Variants in TP53BP1 observed in about 807,000 individuals in gnomAD.
The protein encoded by TP53BP1 is TP53-binding protein 1.
TP53BP1 carries 61 observed loss-of-function variants against 200.8 expected under a neutral mutation model. The observed-to-expected ratio is 0.30, with a 90% CI of 0.25 to 0.38. TP53BP1 has a LOEUF of 0.38. Ranked by LOEUF, TP53BP1 falls within the 10% of genes least tolerant of loss-of-function variation. TP53BP1 has a pLI of 1.00. For synonymous variants in TP53BP1, 822 were observed against 844.3 expected, an observed-to-expected ratio of 0.97 and a Z score of 0.46; for missense variants, 2,144 against 2,371.9, an observed-to-expected ratio of 0.90 and a Z score of 2.00.
At chr15:43,474,396 G>A (rs1279579265) in intron 10 of TP53BP1, among the ~76,000 whole-genome samples, 15 of 150,034 alleles carry the variant, frequency 1.0e-4, no homozygotes, top group Non-Finnish European at 2.1e-4. Flanking sequence ...AGGAGGCGCC[G>A]AGAGCGAGCG....
chr15:43,456,542 A>G lies in TP53BP1; in HGVS notation c.2066T>C (p.Met689Thr), dbSNP rs764030963. The G allele has an allele frequency of 6.8e-6, 11 of 1,611,932 alleles. No homozygotes were observed. Among genetic ancestry groups the G allele is most frequent in the African/African-American group, 5.4e-5 (4 of 74,756 alleles). Residue 689 changes from methionine (M) to threonine (T), a missense_variant, in exon 12 of 28, where the codon ATG becomes ACG. By Grantham distance (81) the Met-to-Thr change is moderately conservative. This residue lies in a region of TP53BP1 where 1,700 missense variants were observed against 1,710.3 expected (regional missense o/e 0.99). Transcript: ENST00000382044. ...AGAAAGGTGCAACGGAACACTCTCCATATTTTCTTCTTTGAGTTCCTCTCC... is the reference window on the plus strand; with the variant it reads ...AGAAAGGTGCAACGGAACACTCTCCGTATTTTCTTCTTTGAGTTCCTCTCC... The part of the protein sequence containing the change: ...SQGEELKEEN[M>T]ESVPLHLSLT...
intron 7 of TP53BP1, among the ~76,000 whole-genome samples, chr15:43,479,115 C>A (rs1595610244): frequency 6.6e-6 from 1 of 152,020 alleles, no homozygotes; most frequent in East Asian, 1.9e-4. Flanking sequence ...GATTAGTAGT[C>A]AAGTGTGGCC....
Position 43,470,084 on chromosome 15 carries a change from A to G in TP53BP1, c.1181-18T>C. 1 of 1,592,452 alleles carries G rather than the reference A, an allele frequency of 6.3e-7. No homozygotes were observed. The highest frequency in any genetic ancestry group is 8.6e-7 in the Non-Finnish European group (1 of 1,162,874). On this transcript the variant is annotated intron_variant, in intron 10 of 27. Transcript: ENST00000382044. ...TGGCTTATCTGGTTTAAAACAGGAG[A>G]AACAAATTGAGAAATATCACTCATC...
At chr15:43,467,915 C>G (rs972402508) in intron 11 of TP53BP1, among the ~76,000 whole-genome samples, 2 of 151,998 alleles carry the variant, frequency 1.3e-5, no homozygotes, top group African/African-American at 4.8e-5. Context: ...TTCCAAATAG[C>G]TGGGACTACA....
In TP53BP1 at chr15:43,404,997, CA is replaced by C; in HGVS notation, c.*2385del. ...TGGCTTCCCAGAGGTCTGTCATTCC[CA>C]TTCAGAAAATCACTTCATTGTCCTT... On this transcript the variant is annotated 3_prime_UTR_variant, in exon 28 of 28. Transcript: ENST00000382044. 1 of 583,516 alleles carries C rather than the reference CA, an allele frequency of 1.7e-6. No individual in the cohort carries two copies. The highest frequency in any genetic ancestry group is 3.0e-6 in the Non-Finnish European group (1 of 334,606). The allele number at this position is 583,516 out of a possible 1,614,324, so 36.1% of individuals were successfully genotyped here.
At chr15:43,463,754 A>T (rs1441145326) in intron 11 of TP53BP1, among the ~76,000 whole-genome samples, 3 of 152,160 alleles carry the variant, frequency 2.0e-5, no homozygotes, top group Admixed American at 6.6e-5. Context: ...CAACACCCAT[A>T]ATCTCACCCT....
At chr15:43,494,805 T>C (rs1158387627), upstream of TP53BP1, among the ~76,000 whole-genome samples, 1 of 152,230 alleles carries the variant, frequency 6.6e-6, no homozygotes, top group Non-Finnish European at 1.5e-5. Context: ...TACCATTTTT[T>C]TGCTTTTCTT....
chr15:43,495,664 A>C (rs2079178735), upstream of TP53BP1, among the ~76,000 whole-genome samples: 1 of 151,378 alleles, frequency 6.6e-6, no homozygotes, highest in Non-Finnish European at 1.5e-5. Flanking sequence ...AAAAATACAA[A>C]AAATTAGCCG....
chr15:43,492,109 A>G lies in TP53BP1; in HGVS notation c.193-14T>C. On this transcript the variant is annotated splice_polypyrimidine_tract_variant and intron_variant, in intron 2 of 27. Transcript: ENST00000382044. ...GGACACAACATCCTAGAAAATACAC[A>G]TACAAAATATCCCCATTATATATGA... 6.3e-7 allele frequency: 1 copy of G among 1,591,812 alleles called. No individual in the cohort carries two copies. Among genetic ancestry groups the G allele is most frequent in the Non-Finnish European group, 8.6e-7 (1 of 1,159,984 alleles).
At position 43,457,019 on chromosome 15, in the gene TP53BP1, G is replaced by C; in HGVS notation, c.1589C>G (p.Ser530Cys). The C allele has an allele frequency of 1.9e-6, 3 of 1,614,150 alleles. No homozygotes were observed. Among genetic ancestry groups the C allele is most frequent in the Non-Finnish European group, 2.5e-6 (3 of 1,180,034 alleles). The change falls in exon 12 of 28, where the codon TCC (serine) becomes TGC (cysteine). Residue 530 changes from serine (S) to cysteine (C), a missense_variant. Physicochemically the swap from Ser to Cys is moderately radical, Grantham distance 112. Transcript: ENST00000382044. The part of the protein sequence containing the change: ...LMLSTSEYSQ[S>C]PKMESLSSHR... The stretch of plus-strand genomic sequence containing the variant: ...AGAACTCAAGCTCTCCATCTTTGGG[G>C]ACTGACTATATTCACTTGTAGAAAG...
intron 4 of TP53BP1, among the ~76,000 whole-genome samples, chr15:43,486,118 C>T (rs1442791659): frequency 6.6e-6 from 1 of 151,334 alleles, no homozygotes; most frequent in Non-Finnish European, 1.5e-5. Context: ...GCCTCACGCC[C>T]GTAATCCCAG....
Position 43,405,185 on chromosome 15 carries a change from C to T in TP53BP1, c.*2198G>A, listed in dbSNP as rs748110725. ...GGAAAGCATGACACTTAATAAGGCT[C>T]TTTTTCTCTTTTGTAGTTTCGGGAT... is the stretch of plus-strand genomic sequence containing the variant. On this transcript the variant is annotated 3_prime_UTR_variant, in exon 28 of 28. Coordinates refer to ENST00000382044, the MANE Select transcript of TP53BP1 (RefSeq NM_001141980.3). The T allele has an allele frequency of 6.2e-6, 10 of 1,614,042 alleles. No individual in the cohort carries two copies. The highest frequency in any genetic ancestry group is 6.8e-6 in the Non-Finnish European group (8 of 1,179,956).
At chr15:43,451,812 G>A (rs2046177770) in intron 12 of TP53BP1, among the ~76,000 whole-genome samples, 1 of 152,184 alleles carries the variant, frequency 6.6e-6, no homozygotes, top group South Asian at 2.1e-4. Flanking sequence ...CAGTGTAAAA[G>A]TGAAGAACCA....
Position 43,408,826 on chromosome 15 carries a change from C to G in TP53BP1, c.5600+71G>C, listed in dbSNP as rs1393696268. On this transcript the variant is annotated intron_variant, in intron 26 of 27. Transcript: ENST00000382044. ...TTTCTAGAAAGCTTTACTCTCTCAC[C>G]TAGATTCTCTTCCCTCCAAAGCTTG... 19 of 1,488,366 alleles carry G rather than the reference C, an allele frequency of 1.3e-5. No homozygotes were observed. The Admixed American group carries it at 2.9e-4, about 23-fold the overall frequency. 92.2% of individuals were successfully genotyped at this position (1,488,366 alleles called of 1,614,324 possible). A position where few individuals can be genotyped will look rare whatever the true frequency, so the allele number is the denominator to read the frequency against.
chr15:43,438,301 G>T, intron 16 of TP53BP1, 23 bp downstream of exon 16: 1 of 1,607,286 alleles, frequency 6.2e-7, no homozygotes, highest in South Asian at 1.1e-5. Context: ...GAGCCCAAAA[G>T]ATTCTATAAA....
intron 1 of TP53BP1, among the ~76,000 whole-genome samples, chr15:43,501,822 A>G (rs765221886): frequency 2.6e-5 from 4 of 152,232 alleles, no homozygotes; most frequent in Non-Finnish European, 5.9e-5. Flanking sequence ...ATTGTATGCA[A>G]CACAACTTGT....
At position 43,474,828 on chromosome 15, in the gene TP53BP1, T is replaced by C. The variant is rs2046817425; in HGVS notation, c.1086-61A>G. The C allele has an allele frequency of 2.4e-6, 3 of 1,255,218 alleles. No individual in the cohort carries two copies. The East Asian group carries it at 7.0e-5, about 29-fold the overall frequency. The allele number at this position is 1,255,218 out of a possible 1,614,324, so 77.8% of individuals were successfully genotyped here. On this transcript the variant is annotated intron_variant, in intron 9 of 27. Transcript: ENST00000382044. The stretch of plus-strand genomic sequence containing the variant: ...ATAGCCACAGTTTTGCATTTCTGTA[T>C]TTGCTTTTACTTTTTAACAGGAAAA...
intron 1 of TP53BP1, among the ~76,000 whole-genome samples, chr15:43,506,592 G>A (rs2079238113): frequency 6.6e-6 from 1 of 152,200 alleles, no homozygotes; most frequent in Non-Finnish European, 1.5e-5. Context: ...CAGTTCAAAA[G>A]CATTGGTGTG....
In TP53BP1 at chr15:43,403,710, G is replaced by GA; in HGVS notation, c.*3672dup. ...GTTTCACTGCCTGAATGAAATCCTA[G>GA]ATCTCTGTCACAGTTTTTGTTCGCT... On this transcript the variant is annotated 3_prime_UTR_variant, in exon 28 of 28. Coordinates refer to ENST00000382044, the MANE Select transcript of TP53BP1 (RefSeq NM_001141980.3). 1 of 1,613,060 alleles carries GA rather than the reference G, an allele frequency of 6.2e-7. No individual in the cohort carries two copies. Among genetic ancestry groups the GA allele is most frequent in the Non-Finnish European group, 8.5e-7 (1 of 1,179,916 alleles).
Sources: gnomAD v4.1 joint callset for allele counts (sites outside exome capture counted in the v4.1 genomes callset) on GRCh38, gnomAD v4.1.1 for gene constraint, gnomAD v4.1.1 regional missense constraint, MANE v1.5 for transcripts, NCBI Gene and HGNC (gene_info 2026-07-23, HGNC 2026-07-21) for gene names.